WWOX: variants seen among roughly 807,000 people sequenced by gnomAD.
WWOX encodes WW domain-containing oxidoreductase.
In WWOX, 69 loss-of-function variants were observed where a neutral mutation model predicts 46.2. That is an observed-to-expected ratio of 1.49 (90% CI 1.23 to 1.82). The LOEUF (loss-of-function observed/expected upper bound fraction) is 1.82. Among genes scored for constraint, WWOX ranks in the 40% most tolerant of loss-of-function variants. WWOX has a pLI of 0.00. For missense variants in WWOX, 919 were observed against 542.6 expected (o/e 1.69, Z -6.89); for synonymous variants, 359 against 202.6 (o/e 1.77, Z -6.56).
intron 8 of WWOX, among the ~76,000 whole-genome samples, chr16:78,951,463 G>A (rs990547176): frequency 8.6e-5 from 13 of 152,038 alleles, no homozygotes; most frequent in African/African-American, 2.2e-4. Flanking sequence ...GCATGGGAGC[G>A]GGATCCCCTT....
intron 8 of WWOX, among the ~76,000 whole-genome samples, chr16:78,631,508 T>G (rs1424054372): frequency 2.0e-5 from 3 of 152,094 alleles, no homozygotes; most frequent in African/African-American, 7.2e-5. Context: ...TATGAGATTA[T>G]GTTCAACAGA....
intron 8 of WWOX, among the ~76,000 whole-genome samples, chr16:78,638,704 G>A (rs1025114430): frequency 1.3e-5 from 2 of 152,134 alleles, no homozygotes; most frequent in Non-Finnish European, 2.9e-5. Context: ...GATTCCAATC[G>A]AATACATTAG....
chr16:78,707,087 A>G (rs538266863), intron 8 of WWOX, among the ~76,000 whole-genome samples: 38 of 152,356 alleles, frequency 2.5e-4, no homozygotes, highest in African/African-American at 8.9e-4. Flanking sequence ...AAGTGCTGGA[A>G]TAATTGACAT....
At chr16:78,460,481 C>G (rs993119115) in intron 8 of WWOX, among the ~76,000 whole-genome samples, 1 of 152,178 alleles carries the variant, frequency 6.6e-6, no homozygotes, top group African/African-American at 2.4e-5. Context: ...CTCCTTTCCT[C>G]CCTGAATACT....
At chr16:78,370,732 G>A (rs1398801943) in intron 5 of WWOX, among the ~76,000 whole-genome samples, 1 of 139,326 alleles carries the variant, frequency 7.2e-6, no homozygotes, top group Non-Finnish European at 1.5e-5. Context: ...ATCTGCCAAT[G>A]TGAGTTTTAG....
At chr16:78,144,471 A>ATATACG (rs2034114079) in intron 4 of WWOX, among the ~76,000 whole-genome samples, 3 of 33,584 alleles carry the variant, frequency 8.9e-5, no homozygotes, top group Admixed American at 4.2e-4. Context: ...ATACACACAT[A>ATATACG]TATATATATA....
chr16:78,926,514 G>T (rs1382154693), intron 8 of WWOX, among the ~76,000 whole-genome samples: 2 of 152,194 alleles, frequency 1.3e-5, no homozygotes, highest in African/African-American at 2.4e-5. Flanking sequence ...GGAGCAGGAT[G>T]GCGAAGTCGC....
intron 8 of WWOX, among the ~76,000 whole-genome samples, chr16:79,108,364 A>T (rs921106257): frequency 6.6e-6 from 1 of 152,232 alleles, no homozygotes; most frequent in Non-Finnish European, 1.5e-5. Context: ...AAGTATGGCT[A>T]ACCACACATC....
intron 8 of WWOX, among the ~76,000 whole-genome samples, chr16:78,812,933 T>C (rs2051228972): frequency 6.6e-6 from 1 of 152,246 alleles, no homozygotes; most frequent in South Asian, 2.1e-4. Context: ...GGTGAATTTG[T>C]CTTAAAATGG....
chr16:78,787,362 C>G (rs894903066), intron 8 of WWOX, among the ~76,000 whole-genome samples: 5 of 152,096 alleles, frequency 3.3e-5, no homozygotes, highest in African/African-American at 1.2e-4. Flanking sequence ...ACCACATCTA[C>G]TTTGTGTCTC....
intron 5 of WWOX, among the ~76,000 whole-genome samples, chr16:78,309,709 A>G (rs760176238): frequency 5.9e-5 from 9 of 152,166 alleles, no homozygotes; most frequent in African/African-American, 1.2e-4. Flanking sequence ...CACTCTTTCA[A>G]TCAACGTACG....
At chr16:79,209,008 A>C (rs1417652436) in intron 8 of WWOX, among the ~76,000 whole-genome samples, 1 of 152,188 alleles carries the variant, frequency 6.6e-6, no homozygotes, top group Admixed American at 6.5e-5. Context: ...GGAGTAGAGA[A>C]GGTCGTCTTT....
intron 5 of WWOX, among the ~76,000 whole-genome samples, chr16:78,363,693 C>T (rs2081465490): frequency 6.6e-6 from 1 of 152,170 alleles, no homozygotes; most frequent in South Asian, 2.1e-4. Context: ...CTTCTATTAA[C>T]CTTCCTATAT....
intron 8 of WWOX, among the ~76,000 whole-genome samples, chr16:78,671,265 A>G (rs1442428212): frequency 6.6e-6 from 1 of 152,090 alleles, no homozygotes; most frequent in Admixed American, 6.5e-5. Context: ...TCTACAAAAA[A>G]TACCAAAAAA....
At chr16:78,681,919 TG>T (rs2047739219) in intron 8 of WWOX, among the ~76,000 whole-genome samples, 1 of 152,172 alleles carries the variant, frequency 6.6e-6, no homozygotes. Context: ...TCTCTAGTTC[TG>T]GGTTGGGGCC....
intron 8 of WWOX, among the ~76,000 whole-genome samples, chr16:78,877,043 G>T (rs1319967466): frequency 6.6e-6 from 1 of 152,170 alleles, no homozygotes; most frequent in Non-Finnish European, 1.5e-5. Context: ...CATTTAAATA[G>T]CTCTTCTAGA....
At chr16:78,105,898 T>C (rs1011765690) in intron 1 of WWOX, among the ~76,000 whole-genome samples, 1 of 152,182 alleles carries the variant, frequency 6.6e-6, no homozygotes, top group Admixed American at 6.5e-5. Flanking sequence ...ACCTCCCAGG[T>C]TCAGGAAATT....
chr16:78,317,000 G>A (rs188712377), intron 5 of WWOX, among the ~76,000 whole-genome samples: 196 of 152,308 alleles, frequency 1.3e-3, no homozygotes, highest in African/African-American at 4.2e-3. Flanking sequence ...AAAGATGAAG[G>A]AAAGTTGCTT....
chr16:78,181,830 T>A (rs183035580), intron 5 of WWOX, among the ~76,000 whole-genome samples: 4 of 152,304 alleles, frequency 2.6e-5, no homozygotes, highest in Admixed American at 1.3e-4. Flanking sequence ...TAGATTTTTT[T>A]AGAGATAGTA....
Sources: gnomAD v4.1 joint callset for allele counts (sites outside exome capture counted in the v4.1 genomes callset) on GRCh38, gnomAD v4.1.1 for gene constraint, MANE v1.5 for transcripts, NCBI Gene and HGNC (gene_info 2026-07-23, HGNC 2026-07-21) for gene names.